Variants in RBFOX1 observed in about 807,000 individuals in gnomAD.
The protein encoded by RBFOX1 is RNA binding protein fox-1 homolog 1.
Under a neutral mutation model 57.7 loss-of-function variants are expected in RBFOX1, and 8 were observed. That is an observed-to-expected ratio of 0.14 (90% CI 0.08 to 0.25). The LOEUF (loss-of-function observed/expected upper bound fraction) is 0.25, where lower values mean the gene tolerates loss of function less well. Among genes scored for constraint, RBFOX1 ranks in the 10% least tolerant of loss-of-function variants. The pLI, the probability that RBFOX1 is intolerant of heterozygous loss-of-function variation, is 1.00. For synonymous variants in RBFOX1, 326 were observed against 222.4 expected (o/e 1.47, Z -4.15); for missense variants, 611 against 548.5 (o/e 1.11, Z -1.14).
chr16:6,214,263 T>C (rs888773950), intron 1 of RBFOX1, among the ~76,000 whole-genome samples: 2 of 152,062 alleles, frequency 1.3e-5, no homozygotes, highest in Admixed American at 6.6e-5. Context: ...ATCTTTAATA[T>C]GCTAGTATGC....
In RBFOX1 at chr16:5,894,186, C is replaced by T. The variant is rs141484117; in HGVS notation, c.351+26851C>T. Among the ~76,000 whole-genome samples the T allele has an allele frequency of 4.7e-3, 720 of 152,226 alleles. 23 individuals carry two copies. Among genetic ancestry groups the T allele is most frequent in the Admixed American group, 0.043 (657 of 15,300 alleles). On this transcript the variant is annotated intron_variant, in intron 4 of 19. Coordinates refer to the RBFOX1 transcript ENST00000641259. ...CTATTTTCCCCGGTGTTCCCTTTCACACCACTCTGTTTCTTTTAGTGTTTT... is the reference window on the plus strand; with the variant it reads ...CTATTTTCCCCGGTGTTCCCTTTCATACCACTCTGTTTCTTTTAGTGTTTT...
chr16:7,448,640 T>G (rs9302848), intron 4 of RBFOX1, among the ~76,000 whole-genome samples: 151,592 of 152,300 alleles, frequency 1, 75,454 homozygotes, highest in Middle Eastern at 1. Context: ...GGGCACAGCA[T>G]AACTGTAGCA....
intron 1 of RBFOX1, among the ~76,000 whole-genome samples, chr16:6,306,340 C>A (rs556662957): frequency 1.3e-5 from 2 of 152,284 alleles, no homozygotes; most frequent in South Asian, 4.1e-4. Context: ...TCCCTTCAAG[C>A]CCTGCTGCTG....
chr16:7,493,028 G>T (rs1297819403), intron 4 of RBFOX1, among the ~76,000 whole-genome samples: 1 of 152,122 alleles, frequency 6.6e-6, no homozygotes, highest in African/African-American at 2.4e-5. Context: ...ACAGGTGCCT[G>T]CCACCACACC....
intron 1 of RBFOX1, among the ~76,000 whole-genome samples, chr16:5,303,434 T>C (rs192839450): frequency 1.4e-3 from 220 of 152,344 alleles, no homozygotes; most frequent in Middle Eastern, 3.4e-3. Context: ...CTCTAGGGGC[T>C]ACCAGACTTC....
At position 7,315,263 on chromosome 16, in the gene RBFOX1, ATACTTT is replaced by A. The variant is rs1447785121; in HGVS notation, c.28-202883_28-202878del. On this transcript the variant is annotated intron_variant, in intron 4 of 15. Coordinates refer to ENST00000550418, the MANE Select transcript of RBFOX1 (RefSeq NM_018723.4). ...ACAGAATATTTAGAAAATTAGAATG[ATACTTT>A]AAATATTCCAGTCAACAGTAATATT... is the stretch of plus-strand genomic sequence containing the variant. Among the ~76,000 whole-genome samples, 5 of 152,156 alleles carry A rather than the reference ATACTTT, an allele frequency of 3.3e-5. No individual in the cohort carries two copies. The South Asian group carries it at 1.0e-3, about 32-fold the overall frequency.
chr16:6,740,053 A>G (rs1205485761), intron 3 of RBFOX1, among the ~76,000 whole-genome samples: 1 of 152,202 alleles, frequency 6.6e-6, no homozygotes, highest in Non-Finnish European at 1.5e-5. Context: ...ACAATATATA[A>G]AAAGACTTAT....
chr16:7,084,124 A>G (rs577462330), intron 4 of RBFOX1, among the ~76,000 whole-genome samples: 11 of 152,296 alleles, frequency 7.2e-5, no homozygotes, highest in African/African-American at 2.2e-4. Flanking sequence ...CAGACCTGGT[A>G]TAATACAATC....
chr16:7,373,690 C>T (rs2097621790), intron 4 of RBFOX1, among the ~76,000 whole-genome samples: 2 of 152,178 alleles, frequency 1.3e-5, no homozygotes, highest in South Asian at 2.1e-4. Context: ...GCAATAATTG[C>T]AATGGTCAGT....
intron 3 of RBFOX1, among the ~76,000 whole-genome samples, chr16:6,670,461 C>T (rs1568139814): frequency 6.6e-6 from 1 of 151,968 alleles, no homozygotes; most frequent in Non-Finnish European, 1.5e-5. Flanking sequence ...TTAATTTTGC[C>T]CCATGACTGG....
chr16:7,016,885 A>T (rs1178607759), intron 3 of RBFOX1, among the ~76,000 whole-genome samples: 1 of 152,124 alleles, frequency 6.6e-6, no homozygotes, highest in Admixed American at 6.5e-5. Context: ...TCTGGCTGTC[A>T]CTTGACCCTG....
Position 5,793,401 on chromosome 16 carries a change from A to C in RBFOX1, c.319-73902A>C, listed in dbSNP as rs1405860155. ...CCTTGATTAGAAATCTCCCTTGGTG[A>C]AGATTTACCCTGATTTTCAATTCAG... On this transcript the variant is annotated intron_variant, in intron 3 of 19. Transcript: ENST00000641259. Among the ~76,000 whole-genome samples, 3 of 152,206 alleles carry C rather than the reference A, an allele frequency of 2.0e-5. No individual in the cohort carries two copies. The East Asian group carries it at 5.8e-4, about 29-fold the overall frequency.
At chr16:6,340,923 C>T (rs1015326202) in intron 2 of RBFOX1, among the ~76,000 whole-genome samples, 3 of 151,926 alleles carry the variant, frequency 2.0e-5, no homozygotes, top group Admixed American at 1.3e-4. Context: ...TTCTGGGGAC[C>T]TGGGGGATCA....
intron 4 of RBFOX1, among the ~76,000 whole-genome samples, chr16:5,884,339 G>A (rs759732623): frequency 6.6e-6 from 1 of 152,094 alleles, no homozygotes; most frequent in African/African-American, 2.4e-5. Flanking sequence ...ATGATAGTGT[G>A]CTTTTGAGTC....
At chr16:7,542,699 GAAAAAAA>G (rs59316335) in intron 5 of RBFOX1, among the ~76,000 whole-genome samples, 1 of 74,364 alleles carries the variant, frequency 1.3e-5, no homozygotes, top group African/African-American at 5.4e-5. Flanking sequence ...TACTAAAAAT[GAAAAAAA>G]AAAAAAAAAA....
chr16:6,315,895 C>G (rs1363354949), intron 1 of RBFOX1, among the ~76,000 whole-genome samples: 2 of 152,146 alleles, frequency 1.3e-5, no homozygotes, highest in Admixed American at 6.5e-5. Flanking sequence ...TATCCACATA[C>G]ATACACATAT....
chr16:5,538,488 AACAAGGGTAAC>A (rs2044792716), intron 2 of RBFOX1, among the ~76,000 whole-genome samples: 1 of 152,200 alleles, frequency 6.6e-6, no homozygotes, highest in Non-Finnish European at 1.5e-5. Context: ...AGGATCAATA[AACAAGGGTAAC>A]ACTGGCTTGA....
intron 3 of RBFOX1, among the ~76,000 whole-genome samples, chr16:6,717,620 T>A (rs1050042452): frequency 6.6e-6 from 1 of 152,064 alleles, no homozygotes; most frequent in Non-Finnish European, 1.5e-5. Context: ...GGTGATTTTT[T>A]ACATGTCACA....
chr16:6,052,688 G>T (rs2095565812), intron 1 of RBFOX1, among the ~76,000 whole-genome samples: 1 of 151,932 alleles, frequency 6.6e-6, no homozygotes, highest in African/African-American at 2.4e-5. Context: ...GGAGGCTGAG[G>T]CAGGAGAATG....
Sources: gnomAD v4.1 joint callset for allele counts (sites outside exome capture counted in the v4.1 genomes callset) on GRCh38, gnomAD v4.1.1 for gene constraint, MANE v1.5 for transcripts, NCBI Gene and HGNC (gene_info 2026-07-23, HGNC 2026-07-21) for gene names.